SAMMSON: variants seen among roughly 807,000 people sequenced by gnomAD.
The protein encoded by SAMMSON is long intergenic non-protein coding RNA 1212.
chr3:70,241,135 G>A (rs1437565715), intron 4 of SAMMSON, among the ~76,000 whole-genome samples: 1 of 152,134 alleles, frequency 6.6e-6, no homozygotes. Context: ...AATGACATAC[G>A]GGCTGATAAA....
rs114509733 is a variant in SAMMSON at position 70,040,757 on chromosome 3, T to A, written n.417+27085T>A. 3.1e-3 allele frequency among the ~76,000 whole-genome samples: 467 copies of A among 152,218 alleles called. 2 individuals carry two copies. Among genetic ancestry groups the A allele is most frequent in the Non-Finnish European group, 5.4e-3 (368 of 68,008 alleles). Reference sequence around the variant, plus strand: ...TCTTCCCACCGCCTGCCAATCATGGTGGCTAAGGGAGGTGAGTAAATGGAA... The same window carrying A: ...TCTTCCCACCGCCTGCCAATCATGGAGGCTAAGGGAGGTGAGTAAATGGAA... On this transcript the variant is annotated intron_variant and non_coding_transcript_variant, in intron 3 of 9. Coordinates refer to ENST00000642114, the Ensembl canonical transcript of SAMMSON.
chr3:70,126,134 G>A, intron 4 of SAMMSON: 1 of 1,267,814 alleles, frequency 7.9e-7, no homozygotes, highest in Non-Finnish European at 1.1e-6. Context: ...GAAGGTGGTG[G>A]GTACATATAC....
At chr3:70,260,388 A>C (rs1701854420) in intron 6 of SAMMSON, among the ~76,000 whole-genome samples, 2 of 152,096 alleles carry the variant, frequency 1.3e-5, no homozygotes, top group South Asian at 4.2e-4. Context: ...AGCTAATTAC[A>C]TCTGCAACAA....
At chr3:70,201,789 C>G (rs76686448) in intron 4 of SAMMSON, among the ~76,000 whole-genome samples, 2 of 152,184 alleles carry the variant, frequency 1.3e-5, no homozygotes, top group African/African-American at 2.4e-5. Context: ...ATTCCCTCCT[C>G]TTGCCCTCCT....
chr3:70,120,392 A>C (rs2067428027), intron 4 of SAMMSON: 1 of 152,184 alleles, frequency 6.6e-6, no homozygotes, highest in South Asian at 2.1e-4. Flanking sequence ...AGGATGAAGA[A>C]TTTGATTTTT....
chr3:70,303,640 G>A (rs963475922), intron 7 of SAMMSON, among the ~76,000 whole-genome samples: 1 of 151,998 alleles, frequency 6.6e-6, no homozygotes, highest in African/African-American at 2.4e-5. Context: ...TTTTAATATT[G>A]CTGAATTTTG....
At chr3:70,199,286 C>A (rs1299948026) in intron 4 of SAMMSON, among the ~76,000 whole-genome samples, 1 of 152,118 alleles carries the variant, frequency 6.6e-6, no homozygotes, top group African/African-American at 2.4e-5. Context: ...AGTGTACAAC[C>A]TTTTGGTTCA....
At chr3:70,014,483 C>G (rs1224361033) in intron 3 of SAMMSON, 1 of 152,204 alleles carries the variant, frequency 6.6e-6, no homozygotes, top group Admixed American at 6.5e-5. Context: ...TCTTCAATGT[C>G]TTTGCCTGCA....
chr3:70,363,309 A>G (rs980938380), intron 9 of SAMMSON, among the ~76,000 whole-genome samples: 1 of 152,204 alleles, frequency 6.6e-6, no homozygotes, highest in Admixed American at 6.5e-5. Context: ...TATTCAACAT[A>G]GTCTGGAAAT....
At chr3:70,096,884 G>A in intron 4 of SAMMSON, among the ~76,000 whole-genome samples, 1 of 152,158 alleles carries the variant, frequency 6.6e-6, no homozygotes, top group East Asian at 1.9e-4. Flanking sequence ...GATGTCTATG[G>A]CCTGGTGAGT....
At chr3:70,111,176 T>A (rs981185984) in intron 4 of SAMMSON, among the ~76,000 whole-genome samples, 1 of 152,200 alleles carries the variant, frequency 6.6e-6, no homozygotes. Context: ...GGTGTTGGGA[T>A]GTCTAGGTCT....
At chr3:70,426,559 TTCC>T (rs886748952) in intron 2 of SAMMSON, among the ~76,000 whole-genome samples, 1 of 152,202 alleles carries the variant, frequency 6.6e-6, no homozygotes, top group Non-Finnish European at 1.5e-5. Flanking sequence ...CTCCTGCTTC[TTCC>T]TCCTCCTCTT....
At chr3:70,345,102 A>G (rs1386620807) in intron 7 of SAMMSON, among the ~76,000 whole-genome samples, 2 of 152,166 alleles carry the variant, frequency 1.3e-5, no homozygotes, top group African/African-American at 4.8e-5. Context: ...ATTAAATATG[A>G]GTTTATACCG....
At chr3:70,195,470 T>C (rs1701167079) in intron 4 of SAMMSON, among the ~76,000 whole-genome samples, 1 of 152,158 alleles carries the variant, frequency 6.6e-6, no homozygotes. Flanking sequence ...AGATGAATAG[T>C]TTTCAATGTT....
intron 4 of SAMMSON, among the ~76,000 whole-genome samples, chr3:70,248,390 A>T (rs1701728873): frequency 6.6e-6 from 1 of 152,128 alleles, no homozygotes; most frequent in Non-Finnish European, 1.5e-5. Flanking sequence ...AAAATTGCCA[A>T]AAAGTGTTGG....
intron 4 of SAMMSON, among the ~76,000 whole-genome samples, chr3:70,243,152 T>C (rs1005243304): frequency 6.6e-6 from 1 of 152,194 alleles, no homozygotes; most frequent in African/African-American, 2.4e-5. Flanking sequence ...GTGCCTTTTG[T>C]CTTCTGCAGA....
chr3:70,357,393 T>C (rs1702837201), intron 8 of SAMMSON, among the ~76,000 whole-genome samples: 1 of 152,186 alleles, frequency 6.6e-6, no homozygotes, highest in South Asian at 2.1e-4. Flanking sequence ...AACATAGTGC[T>C]TTTATCATTT....
chr3:70,259,211 C>T (rs1020834848), intron 6 of SAMMSON, among the ~76,000 whole-genome samples: 2 of 152,096 alleles, frequency 1.3e-5, no homozygotes, highest in African/African-American at 4.8e-5. Context: ...AGAACACATT[C>T]TATTCATAGT....
At chr3:70,314,835 C>G (rs1702484649) in intron 7 of SAMMSON, among the ~76,000 whole-genome samples, 1 of 152,090 alleles carries the variant, frequency 6.6e-6, no homozygotes, top group South Asian at 2.1e-4. Flanking sequence ...ACCCACAAAC[C>G]TGAGATGCTT....
Sources: allele counts gnomAD v4.1 joint callset (sites outside exome capture counted in the v4.1 genomes callset), GRCh38; gene constraint gnomAD v4.1.1; transcripts MANE v1.5; gene names NCBI Gene and HGNC (gene_info 2026-07-23, HGNC 2026-07-21).